FOXN2: variants seen among roughly 807,000 people sequenced by gnomAD.
The protein encoded by FOXN2 is forkhead box N2.
FOXN2 carries 19 observed loss-of-function variants against 41.2 expected under a neutral mutation model. The observed-to-expected ratio is 0.46, with a 90% CI of 0.32 to 0.68. FOXN2 has a LOEUF of 0.68. Among genes scored for constraint, FOXN2 ranks in the 30% least tolerant of loss-of-function variants. FOXN2 has a pLI of 0.03. For missense variants in FOXN2, 587 were observed against 509.4 expected, an observed-to-expected ratio of 1.15 and a Z score of -1.47; for synonymous variants, 195 against 176.8, an observed-to-expected ratio of 1.10 and a Z score of -0.82.
intron 2 of FOXN2, among the ~76,000 whole-genome samples, chr2:48,344,728 T>A (rs890023167): frequency 6.6e-6 from 1 of 152,166 alleles, no homozygotes; most frequent in African/African-American, 2.4e-5. Flanking sequence ...TAAAATTAAC[T>A]AGTTTTCTCT....
At chr2:48,360,713 G>A (rs115684981) in intron 4 of FOXN2, among the ~76,000 whole-genome samples, 1,810 of 151,372 alleles carry the variant, frequency 0.012, 24 homozygotes, top group Non-Finnish European at 0.015. Flanking sequence ...TTATTATGAG[G>A]CATTTTAAAT....
At chr2:48,336,005 G>C (rs1018884947) in intron 2 of FOXN2, among the ~76,000 whole-genome samples, 1 of 150,800 alleles carries the variant, frequency 6.6e-6, no homozygotes, top group East Asian at 1.9e-4. Flanking sequence ...TCCAGCCTGG[G>C]CGACAGAGCA....
chr2:48,359,924 A>G (rs937724879), intron 4 of FOXN2, among the ~76,000 whole-genome samples: 2 of 152,126 alleles, frequency 1.3e-5, no homozygotes, highest in African/African-American at 4.8e-5. Context: ...TTATATACAT[A>G]TGTAGGTTTC....
chr2:48,365,971 C>G (rs1672503026), intron 5 of FOXN2, among the ~76,000 whole-genome samples: 1 of 152,164 alleles, frequency 6.6e-6, no homozygotes, highest in Non-Finnish European at 1.5e-5. Flanking sequence ...TTCATTACAA[C>G]TAATACTGTT....
In FOXN2 at chr2:48,346,417, T is replaced by A. The variant is rs753919617; in HGVS notation, c.203T>A (p.Leu68His). 6.2e-7 allele frequency: 1 copy of A among 1,614,210 alleles called. No individual in the cohort carries two copies. Residue 68 changes from leucine to histidine, a missense_variant, in exon 3 of 7, where the codon CTT becomes CAT. Transcript: ENST00000340553. ...NLNWLHESTN[L>H]LTNFSLGSEG... ...AACTGGCTTCATGAAAGCACTAATCTTCTAACAAACTTCAGCCTCGGAAGT... is the reference window on the plus strand; with the variant it reads ...AACTGGCTTCATGAAAGCACTAATCATCTAACAAACTTCAGCCTCGGAAGT...
At chr2:48,326,678 G>A (rs923922026) in intron 1 of FOXN2, among the ~76,000 whole-genome samples, 3 of 152,154 alleles carry the variant, frequency 2.0e-5, no homozygotes, top group African/African-American at 7.2e-5. Context: ...CATGCCACAA[G>A]TGGAAGATTC....
chr2:48,370,679 T>G (rs1376125444), intron 5 of FOXN2, among the ~76,000 whole-genome samples: 2 of 152,196 alleles, frequency 1.3e-5, no homozygotes, highest in African/African-American at 4.8e-5. Flanking sequence ...TTGAGATGCT[T>G]GAGTTCCTTT....
intron 1 of FOXN2, among the ~76,000 whole-genome samples, chr2:48,315,709 C>A (rs1344313614): frequency 1.3e-5 from 2 of 152,218 alleles, no homozygotes; most frequent in African/African-American, 4.8e-5. Flanking sequence ...TCCTCCACTA[C>A]TTAACTCCAC....
intron 3 of FOXN2, among the ~76,000 whole-genome samples, chr2:48,351,652 A>C (rs1671456972): frequency 1.3e-5 from 2 of 152,112 alleles, no homozygotes; most frequent in South Asian, 2.1e-4. Context: ...TGCACAGTTC[A>C]CAATAGGGTT....
intron 3 of FOXN2, among the ~76,000 whole-genome samples, chr2:48,353,249 C>G (rs1247791915): frequency 6.6e-6 from 1 of 152,128 alleles, no homozygotes; most frequent in Non-Finnish European, 1.5e-5. Flanking sequence ...ACTCCATGAT[C>G]TACCCCCACA....
At chr2:48,339,810 C>A (rs1179088119) in intron 2 of FOXN2, among the ~76,000 whole-genome samples, 1 of 152,122 alleles carries the variant, frequency 6.6e-6, no homozygotes, top group Non-Finnish European at 1.5e-5. Context: ...CACTTGTATA[C>A]CAGGTGATAT....
At position 48,376,842 on chromosome 2, in the gene FOXN2, A is replaced by G. The variant is rs908959922; in HGVS notation, c.*1399A>G. The G allele has an allele frequency of 6.6e-6, 1 of 152,480 alleles. No individual in the cohort carries two copies. Among genetic ancestry groups the G allele is most frequent in the African/African-American group, 2.4e-5 (1 of 41,450 alleles). The allele number at this position is 152,480 out of a possible 1,614,324, so 9.4% of individuals were successfully genotyped here. A position where few individuals can be genotyped will look rare whatever the true frequency, so the allele number is the denominator to read the frequency against. ...TATGCTACATCCTAAGTCATAGACA[A>G]TGACCTTGTTTTCATTATTCTGATA... On this transcript the variant is annotated 3_prime_UTR_variant, in exon 7 of 7. Transcript: ENST00000340553.
At chr2:48,314,555 C>CGCGGGAG (rs1668751661), upstream of FOXN2, 1 of 152,008 alleles carries the variant, frequency 6.6e-6, no homozygotes, top group Non-Finnish European at 1.5e-5. Flanking sequence ...TCCTCGGGGT[C>CGCGGGAG]GCGGGAGGCG....
At chr2:48,323,459 A>G (rs899010815) in intron 1 of FOXN2, among the ~76,000 whole-genome samples, 1 of 151,886 alleles carries the variant, frequency 6.6e-6, no homozygotes, top group Non-Finnish European at 1.5e-5. Context: ...ATCTCATTGT[A>G]GTTTTAATTT....
chr2:48,320,143 C>A (rs1285947886), intron 1 of FOXN2, among the ~76,000 whole-genome samples: 2 of 152,028 alleles, frequency 1.3e-5, no homozygotes, highest in Admixed American at 1.3e-4. Context: ...ATGCCTTTGT[C>A]CAACCCTTCC....
chr2:48,362,800 A>G (rs1292689626), intron 5 of FOXN2, 93 bp downstream of exon 5: 3 of 1,037,890 alleles, frequency 2.9e-6, no homozygotes, highest in Non-Finnish European at 4.4e-6. Flanking sequence ...CTAAGATTAT[A>G]ATGGAGCTGA....
intron 3 of FOXN2, among the ~76,000 whole-genome samples, chr2:48,357,637 AT>A (rs1451090869): frequency 6.6e-6 from 1 of 151,736 alleles, no homozygotes; most frequent in East Asian, 1.9e-4. Context: ...GAGTTTTGCT[AT>A]GTTGCTTAAG....
chr2:48,327,392 GTTTA>G (rs1274523870), intron 1 of FOXN2, among the ~76,000 whole-genome samples: 1 of 151,828 alleles, frequency 6.6e-6, no homozygotes, highest in African/African-American at 2.4e-5. Context: ...TTCCATATAA[GTTTA>G]TTTAGAAACA....
At chr2:48,339,499 C>T (rs1224634525) in intron 2 of FOXN2, among the ~76,000 whole-genome samples, 1 of 152,164 alleles carries the variant, frequency 6.6e-6, no homozygotes, top group Non-Finnish European at 1.5e-5. Context: ...CCTGAGGCCT[C>T]CCCAGCCATG....
Sources: allele counts gnomAD v4.1 joint callset (sites outside exome capture counted in the v4.1 genomes callset), GRCh38; gene constraint gnomAD v4.1.1; transcripts MANE v1.5; gene names NCBI Gene and HGNC (gene_info 2026-07-23, HGNC 2026-07-21).